Variants in PRKN observed in about 807,000 individuals in gnomAD.
PRKN encodes E3 ubiquitin-protein ligase parkin.
PRKN carries 56 observed loss-of-function variants against 59.5 expected under a neutral mutation model. The ratio of observed to expected loss-of-function variants is 0.94; its 90% CI spans 0.76 to 1.18. PRKN has a LOEUF of 1.18. PRKN is among the 50% of genes most tolerant of loss of function. PRKN has a pLI of 0.00. For missense variants in PRKN, 657 were observed against 596.4 expected (o/e 1.10, Z -1.06); for synonymous variants, 250 against 222.1 (o/e 1.13, Z -1.12).
rs1393117458 is a variant in PRKN at position 161,683,956 on chromosome 6, T to G, written c.871+101816A>C. ...ATTCTTCACTTAAATTTCATATCCCTGAATTATCTGCATAAAACAAAGGGT... is the reference window on the plus strand; with the variant it reads ...ATTCTTCACTTAAATTTCATATCCCGGAATTATCTGCATAAAACAAAGGGT... On this transcript the variant is annotated intron_variant, in intron 7 of 11. Coordinates refer to ENST00000366898, the MANE Select transcript of PRKN (RefSeq NM_004562.3). 3.9e-5 allele frequency among the ~76,000 whole-genome samples: 6 copies of G among 152,320 alleles called. No individual in the cohort carries two copies. In the East Asian group the frequency reaches 1.2e-3, roughly 29 times the overall value.
chr6:162,572,163 C>T (rs541849889), intron 1 of PRKN, among the ~76,000 whole-genome samples: 55 of 152,086 alleles, frequency 3.6e-4, no homozygotes, highest in South Asian at 6.2e-4. Context: ...CTTTGAATGT[C>T]CACGTAGGTT....
At chr6:162,520,015 C>A (rs1778022169) in intron 1 of PRKN, among the ~76,000 whole-genome samples, 1 of 152,054 alleles carries the variant, frequency 6.6e-6, no homozygotes, top group Non-Finnish European at 1.5e-5. Flanking sequence ...TTTGGAAGGC[C>A]AAGGCAGGAG....
intron 6 of PRKN, among the ~76,000 whole-genome samples, chr6:161,854,935 T>A (rs772520150): frequency 1.1e-4 from 16 of 151,784 alleles, no homozygotes; most frequent in Non-Finnish European, 1.6e-4. Context: ...ATATAAAAAT[T>A]CGCTGGGCAG....
chr6:162,652,557 A>G (rs368339270), intron 1 of PRKN, among the ~76,000 whole-genome samples: 1 of 152,226 alleles, frequency 6.6e-6, no homozygotes, highest in Non-Finnish European at 1.5e-5. Context: ...AAAGGATTAA[A>G]AAAAGCAATA....
chr6:161,738,051 T>C (rs760205381), intron 7 of PRKN, among the ~76,000 whole-genome samples: 2 of 152,224 alleles, frequency 1.3e-5, no homozygotes, highest in Non-Finnish European at 2.9e-5. Flanking sequence ...CAATATCAAA[T>C]GTAGCAGCCT....
At chr6:162,452,994 A>T (rs1284372287) in intron 1 of PRKN, among the ~76,000 whole-genome samples, 1 of 152,258 alleles carries the variant, frequency 6.6e-6, no homozygotes, top group African/African-American at 2.4e-5. Flanking sequence ...GAAAAAACAA[A>T]AAGAGAGAAA....
At chr6:162,522,346 A>ACTTGTGAC (rs1250643341) in intron 1 of PRKN, among the ~76,000 whole-genome samples, 1 of 152,092 alleles carries the variant, frequency 6.6e-6, no homozygotes, top group Admixed American at 6.5e-5. Context: ...CTGGTCTCGA[A>ACTTGTGAC]CTTGTGAGCT....
chr6:162,236,562 G>A (rs762433687), intron 3 of PRKN, among the ~76,000 whole-genome samples: 3 of 151,798 alleles, frequency 2.0e-5, no homozygotes, highest in East Asian at 1.9e-4. Flanking sequence ...GAGATGGGCC[G>A]ATCACTGGAG....
At chr6:162,021,685 T>A (rs1035873940) in intron 5 of PRKN, among the ~76,000 whole-genome samples, 2 of 152,060 alleles carry the variant, frequency 1.3e-5, no homozygotes, top group African/African-American at 4.8e-5. Context: ...TGGGTTGAGA[T>A]CCTGCATTTC....
At chr6:162,693,321 A>G (rs1292068329) in intron 1 of PRKN, among the ~76,000 whole-genome samples, 1 of 152,184 alleles carries the variant, frequency 6.6e-6, no homozygotes, top group Non-Finnish European at 1.5e-5. Context: ...TCCTCAGTAG[A>G]GATGGGATCG....
chr6:161,802,548 T>G (rs1335684585), intron 6 of PRKN, among the ~76,000 whole-genome samples: 5 of 152,032 alleles, frequency 3.3e-5, no homozygotes, highest in African/African-American at 1.2e-4. Flanking sequence ...CGGCTCCTCC[T>G]GTGCGAGCGT....
At chr6:161,972,173 C>T (rs1780839730) in intron 6 of PRKN, among the ~76,000 whole-genome samples, 3 of 151,172 alleles carry the variant, frequency 2.0e-5, no homozygotes, top group Non-Finnish European at 4.4e-5. Context: ...ACTCGGGAGG[C>T]TGAGGCAGGA....
In PRKN at chr6:162,219,615, A is replaced by G. The variant is rs1172196106; in HGVS notation, c.413-18363T>C. Reference sequence around the variant, plus strand: ...CCAATGGTCCTCCGCAGCATGGAGGAAAAAAAAAAAAACATACTTCAGGGA... The same window carrying G: ...CCAATGGTCCTCCGCAGCATGGAGGGAAAAAAAAAAAACATACTTCAGGGA... On this transcript the variant is annotated intron_variant, in intron 3 of 11. Transcript: ENST00000366898. Among the ~76,000 whole-genome samples the G allele has an allele frequency of 1.1e-4, 12 of 113,782 alleles. No individual in the cohort carries two copies. The East Asian group carries it at 1.4e-3, about 13-fold the overall frequency. The allele number at this position is 113,782 out of a possible 152,430, so 74.6% of individuals were successfully genotyped here.
At chr6:162,190,136 C>T (rs1784209249) in intron 4 of PRKN, among the ~76,000 whole-genome samples, 1 of 152,140 alleles carries the variant, frequency 6.6e-6, no homozygotes, top group South Asian at 2.1e-4. Context: ...GTGGACCATG[C>T]CCAGTGCATG....
At chr6:162,660,220 C>T (rs1778826221) in intron 1 of PRKN, among the ~76,000 whole-genome samples, 1 of 152,154 alleles carries the variant, frequency 6.6e-6, no homozygotes, top group Non-Finnish European at 1.5e-5. Context: ...AGCTTCAAAG[C>T]ATGTCCTCTA....
chr6:162,556,342 GGT>G (rs202002846), intron 1 of PRKN, among the ~76,000 whole-genome samples: 779 of 57,160 alleles, frequency 0.014, 5 homozygotes, highest in East Asian at 0.042. Context: ...CTACTCAGCT[GGT>G]GTGTGTGTGT....
intron 6 of PRKN, among the ~76,000 whole-genome samples, chr6:161,836,379 G>A (rs1583226799): frequency 6.6e-6 from 1 of 152,268 alleles, no homozygotes; most frequent in African/African-American, 2.4e-5. Context: ...TGGATGAGGG[G>A]GAAATTGCCG....
intron 4 of PRKN, among the ~76,000 whole-genome samples, chr6:162,200,860 T>C (rs1045715509): frequency 2.0e-5 from 3 of 152,156 alleles, no homozygotes; most frequent in African/African-American, 7.2e-5. Flanking sequence ...CTCTTTTTGC[T>C]GCCAAAGCAC....
chr6:161,374,287 T>C (rs1020871492), intron 10 of PRKN, among the ~76,000 whole-genome samples: 4 of 150,882 alleles, frequency 2.7e-5, no homozygotes, highest in Non-Finnish European at 5.9e-5. Context: ...TGTATGTATG[T>C]GTGTGTGGTA....
Sources: gnomAD v4.1 joint callset for allele counts (sites outside exome capture counted in the v4.1 genomes callset) on GRCh38, gnomAD v4.1.1 for gene constraint, MANE v1.5 for transcripts, NCBI Gene and HGNC (gene_info 2026-07-23, HGNC 2026-07-21) for gene names.